The following C1QTNF2 variants were observed in gnomAD, a reference collection of about 807,000 sequenced individuals.
The protein encoded by C1QTNF2 is complement C1q tumor necrosis factor-related protein 2.
In C1QTNF2, 15 loss-of-function variants were observed where a neutral mutation model predicts 17.4. That is an observed-to-expected ratio of 0.86 (90% CI 0.58 to 1.33). The LOEUF (loss-of-function observed/expected upper bound fraction) is 1.33. Among genes scored for constraint, C1QTNF2 ranks in the 40% most tolerant of loss-of-function variants. The pLI, the probability that C1QTNF2 is intolerant of heterozygous loss-of-function variation, is 0.00. For synonymous variants in C1QTNF2, 154 were observed against 163.3 expected (o/e 0.94, Z 0.44); for missense variants, 381 against 392.3 (o/e 0.97, Z 0.24).
chr5:160,349,792 G>C lies in C1QTNF2; in HGVS notation c.245-11C>G, dbSNP rs777400315. ...TCCGGCCAGGTGGACCTGGAAGACA[G>C]AGCAGCTGGTGTTATGGAGGGTCCT... On this transcript the variant is annotated splice_polypyrimidine_tract_variant and intron_variant, in intron 2 of 2. Coordinates refer to ENST00000652664, the MANE Select transcript of C1QTNF2 (RefSeq NM_031908.6). The surrounding 1 kb of genome is among the most constrained non-coding windows in gnomAD (Gnocchi z 4.3). 2.0e-6 allele frequency: 3 copies of C among 1,515,972 alleles called. No individual in the cohort carries two copies. Among genetic ancestry groups the C allele is most frequent in the Middle Eastern group, 1.8e-4 (1 of 5,628 alleles). 93.9% of individuals were successfully genotyped at this position (1,515,972 alleles called of 1,614,324 possible).
chr5:160,349,864 T>G lies in C1QTNF2; in HGVS notation c.245-83A>C, dbSNP rs1763883658. On this transcript the variant is annotated intron_variant, in intron 2 of 2. Transcript: ENST00000652664. The surrounding 1 kb of genome is among the most constrained non-coding windows in gnomAD (Gnocchi z 4.3). Reference sequence around the variant, plus strand: ...GCGGTGCGGCTTGGTCTTCCAATCTTGGAGAAGGAGTGCTTGGGTAATAGA... The same window carrying G: ...GCGGTGCGGCTTGGTCTTCCAATCTGGGAGAAGGAGTGCTTGGGTAATAGA... The G allele has an allele frequency of 6.9e-7, 1 of 1,447,904 alleles. No homozygotes were observed. Among genetic ancestry groups the G allele is most frequent in the Non-Finnish European group, 9.1e-7 (1 of 1,097,350 alleles). The allele number at this position is 1,447,904 out of a possible 1,614,324, so 89.7% of individuals were successfully genotyped here. A position where few individuals can be genotyped will look rare whatever the true frequency, so the allele number is the denominator to read the frequency against.
At chr5:160,365,922 TC>T (rs1226796894) in intron 1 of C1QTNF2, among the ~76,000 whole-genome samples, 1 of 151,954 alleles carries the variant, frequency 6.6e-6, no homozygotes, top group African/African-American at 2.4e-5. Context: ...ATCAGAAATA[TC>T]TACCATTCTT....
chr5:160,358,973 G>T (rs946099228), intron 1 of C1QTNF2, among the ~76,000 whole-genome samples: 1 of 152,136 alleles, frequency 6.6e-6, no homozygotes, highest in African/African-American at 2.4e-5. Context: ...TAGAGATGGG[G>T]TCTTGCCATG....
chr5:160,369,516 A>G (rs1262507852), intron 1 of C1QTNF2, among the ~76,000 whole-genome samples: 2 of 152,226 alleles, frequency 1.3e-5, no homozygotes, highest in African/African-American at 4.8e-5. Flanking sequence ...GAGGGCAAAA[A>G]TAAGGATGTG....
At chr5:160,358,743 C>T (rs1764096753) in intron 1 of C1QTNF2, among the ~76,000 whole-genome samples, 1 of 152,042 alleles carries the variant, frequency 6.6e-6, no homozygotes, top group Non-Finnish European at 1.5e-5. Context: ...AGCAAACTGA[C>T]CTTATTACGC....
intron 2 of C1QTNF2, among the ~76,000 whole-genome samples, 171 bp downstream of exon 2, chr5:160,354,597 A>AAAAAAAATATATAT (rs769774870): frequency 2.2e-5 from 2 of 89,306 alleles, no homozygotes; most frequent in African/African-American, 9.7e-5. Flanking sequence ...AAAAAAAAAA[A>AAAAAAAATATATAT]GTATATATAT....
chr5:160,354,480 G>A (rs1008355088), intron 2 of C1QTNF2, among the ~76,000 whole-genome samples: 6 of 151,368 alleles, frequency 4.0e-5, no homozygotes, highest in Non-Finnish European at 8.8e-5. Flanking sequence ...TCAGGAGGCT[G>A]AGGCAGGAGA....
chr5:160,367,162 C>T (rs17057730), intron 1 of C1QTNF2, among the ~76,000 whole-genome samples: 70 of 152,142 alleles, frequency 4.6e-4, no homozygotes, highest in African/African-American at 1.7e-3. Flanking sequence ...TCAGTGGCCT[C>T]ACACAGATCA....
At chr5:160,353,788 C>CTTTTT (rs200777932) in intron 2 of C1QTNF2, among the ~76,000 whole-genome samples, 24 of 85,966 alleles carry the variant, frequency 2.8e-4, no homozygotes, top group East Asian at 7.9e-4. Context: ...ACTTCTCAGG[C>CTTTTT]TTTTTTTTTT....
At chr5:160,351,207 A>C (rs1763914270) in intron 2 of C1QTNF2, among the ~76,000 whole-genome samples, 1 of 152,214 alleles carries the variant, frequency 6.6e-6, no homozygotes, top group South Asian at 2.1e-4. Flanking sequence ...CCAATGTTTC[A>C]TAAAATGCAC....
rs1334604985 is a variant in C1QTNF2, at chr5:160,348,114, C to T, written c.*1054G>A. 6.6e-6 allele frequency: 1 copy of T among 152,234 alleles called. No homozygotes were observed. Among genetic ancestry groups the T allele is most frequent in the Non-Finnish European group, 1.5e-5 (1 of 68,062 alleles). The allele number at this position is 152,234 out of a possible 1,614,324, so 9.4% of individuals were successfully genotyped here. The stretch of plus-strand genomic sequence containing the variant: ...CCCCCAGATCCCTGCATACTGGCAA[C>T]ACCTGTGCTTGGGGTGCGATTCATT... On this transcript the variant is annotated 3_prime_UTR_variant, in exon 3 of 3. Transcript: ENST00000652664.
intron 1 of C1QTNF2, among the ~76,000 whole-genome samples, chr5:160,357,302 T>A (rs1434734078): frequency 1.3e-5 from 2 of 152,054 alleles, no homozygotes; most frequent in Non-Finnish European, 2.9e-5. Flanking sequence ...GAGGAGGAGC[T>A]CCCCTCACTG....
intron 2 of C1QTNF2, among the ~76,000 whole-genome samples, 133 bp downstream of exon 2, chr5:160,354,615 TATATATATATATATATATAG>T (rs1561822920): frequency 2.9e-5 from 4 of 137,192 alleles, no homozygotes; most frequent in African/African-American, 1.1e-4. Flanking sequence ...TATATATATA[TATATATATATATATATATAG>T]ATTTATAAGT....
At chr5:160,355,380 A>G (rs924169789) in intron 1 of C1QTNF2, 2 of 348,690 alleles carry the variant, frequency 5.7e-6, no homozygotes. Flanking sequence ...GTTTCATCCA[A>G]ATCTGTGGCA....
At position 160,349,901 on chromosome 5, in the gene C1QTNF2, G is replaced by T; in HGVS notation, c.245-120C>A. 8.3e-7 allele frequency: 1 copy of T among 1,204,456 alleles called. No homozygotes were observed. The highest frequency in any genetic ancestry group is 1.1e-6 in the Non-Finnish European group (1 of 893,958). 74.6% of individuals were successfully genotyped at this position (1,204,456 alleles called of 1,614,324 possible). ...GCTTGGGTAATAGAAAGAACAAGAA[G>T]GCTTTGCAGACATATAGAAGTGGGT... On this transcript the variant is annotated intron_variant, in intron 2 of 2. Coordinates refer to ENST00000652664, the MANE Select transcript of C1QTNF2 (RefSeq NM_031908.6). This position sits in a 1 kb window ranked among gnomAD's most constrained non-coding sequence, Gnocchi z 4.3.
At chr5:160,359,623 G>A (rs1764115296) in intron 1 of C1QTNF2, among the ~76,000 whole-genome samples, 1 of 152,138 alleles carries the variant, frequency 6.6e-6, no homozygotes, top group African/African-American at 2.4e-5. Context: ...TTGGGGTGCT[G>A]GAGTAAATCA....
intron 1 of C1QTNF2, among the ~76,000 whole-genome samples, chr5:160,366,474 T>C (rs1229374374): frequency 6.6e-6 from 1 of 152,198 alleles, no homozygotes. Context: ...CAAGCAGACC[T>C]GGGTAAACCT....
Position 160,349,189 on chromosome 5 carries a change from C to G in C1QTNF2, c.837G>C (p.Gln279His), listed in dbSNP as rs759843476. ...LFTGFLIYAD[Q>H]DDPNEV is the part of the protein sequence containing the mutation. ...ATGTCTATACCTCGTTGGGGTCATC[C>G]TGGTCGGCATAGATTAGGAAGCCCG... Residue 279 changes from glutamine to histidine, a missense_variant, in exon 3 of 3, where the codon CAG (glutamine) becomes CAC (histidine). Transcript: ENST00000652664. This position sits in a 1 kb window ranked among gnomAD's most constrained non-coding sequence, Gnocchi z 4.3. The G allele has an allele frequency of 1.9e-5, 31 of 1,613,316 alleles. No homozygotes were observed. The highest frequency in any genetic ancestry group is 8.9e-5 in the East Asian group (4 of 44,870).
At chr5:160,351,555 T>C (rs1763922644) in intron 2 of C1QTNF2, among the ~76,000 whole-genome samples, 1 of 152,222 alleles carries the variant, frequency 6.6e-6, no homozygotes, top group Non-Finnish European at 1.5e-5. Context: ...CACTTGATTT[T>C]CAGGAACAGA....
Sources: allele counts gnomAD v4.1 joint callset (sites outside exome capture counted in the v4.1 genomes callset), GRCh38; gene constraint gnomAD v4.1.1; non-coding constraint Gnocchi (gnomAD v3.1); transcripts MANE v1.5; gene names NCBI Gene and HGNC (gene_info 2026-07-23, HGNC 2026-07-21).